The following TRIM2 variants were observed in gnomAD, a reference collection of about 807,000 sequenced individuals.
The protein encoded by TRIM2 is tripartite motif-containing protein 2.
Under a neutral mutation model 75.2 loss-of-function variants are expected in TRIM2, and 20 were observed. The ratio of observed to expected loss-of-function variants is 0.27; its 90% CI spans 0.19 to 0.39. The LOEUF (loss-of-function observed/expected upper bound fraction) is 0.39. Ranked by LOEUF, TRIM2 falls within the 10% of genes least tolerant of loss-of-function variation. TRIM2 has a pLI of 1.00. For synonymous variants in TRIM2, 373 were observed against 388.3 expected (o/e 0.96, Z 0.46); for missense variants, 660 against 990.8 (o/e 0.67, Z 4.48).
intron 1 of TRIM2, among the ~76,000 whole-genome samples, chr4:153,184,982 A>G (rs1002426608): frequency 2.2e-4 from 34 of 152,196 alleles, no homozygotes; most frequent in African/African-American, 7.9e-4. Flanking sequence ...GGGGAATGCC[A>G]TTTCTTCTTT....
intron 1 of TRIM2, among the ~76,000 whole-genome samples, chr4:153,217,678 G>C (rs533770286): frequency 1.9e-3 from 283 of 152,206 alleles, no homozygotes; most frequent in Non-Finnish European, 3.5e-3. Flanking sequence ...TTGATCACCA[G>C]ATGAAGCAGT....
chr4:153,206,900 A>G (rs1735609280), intron 1 of TRIM2, among the ~76,000 whole-genome samples: 1 of 151,974 alleles, frequency 6.6e-6, no homozygotes, highest in African/African-American at 2.4e-5. Flanking sequence ...TTTAAATTTG[A>G]GACAGGGTCT....
chr4:153,270,840 A>G (rs1478731597), intron 2 of TRIM2, among the ~76,000 whole-genome samples: 2 of 152,198 alleles, frequency 1.3e-5, no homozygotes, highest in Non-Finnish European at 2.9e-5. Context: ...GCAGATCCCT[A>G]CAGAGGGTCT....
chr4:153,177,864 C>T (rs928961287), intron 1 of TRIM2, among the ~76,000 whole-genome samples: 5 of 151,802 alleles, frequency 3.3e-5, no homozygotes, highest in Non-Finnish European at 5.9e-5. Flanking sequence ...TGCAGTGGGG[C>T]GGTCTTGGCT....
chr4:153,213,272 T>C (rs945157520), intron 1 of TRIM2, among the ~76,000 whole-genome samples: 7 of 152,238 alleles, frequency 4.6e-5, no homozygotes, highest in African/African-American at 1.7e-4. Flanking sequence ...TTAACCATTA[T>C]GTGATGCCTC....
In TRIM2 at chr4:153,231,059, G is replaced by GA. The variant is rs1469929674; in HGVS notation, c.30+26500dup. ...AGGGGGAGTCAGGACTCACACCTAGGATGTCTTTCTCACTAAAATACACGC... is the reference window on the plus strand; with the variant it reads ...AGGGGGAGTCAGGACTCACACCTAGGAATGTCTTTCTCACTAAAATACACGC... On this transcript the variant is annotated intron_variant, in intron 1 of 11. Transcript: ENST00000338700. 6.6e-5 allele frequency among the ~76,000 whole-genome samples: 10 copies of GA among 152,320 alleles called. No individual in the cohort carries two copies. In the South Asian group the frequency reaches 2.1e-3, roughly 32 times the overall value.
At chr4:153,244,355 C>CCTCTTCCTCTTCT (rs1748075400) in intron 1 of TRIM2, among the ~76,000 whole-genome samples, 1 of 12,714 alleles carries the variant, frequency 7.9e-5, no homozygotes, top group African/African-American at 5.1e-4. Flanking sequence ...CTTCTTCTTC[C>CCTCTTCCTCTTCT]TCTTCTTCTT....
intron 6 of TRIM2, among the ~76,000 whole-genome samples, chr4:153,303,334 A>G (rs1362348406): frequency 6.6e-6 from 1 of 151,820 alleles, no homozygotes; most frequent in African/African-American, 2.4e-5. Flanking sequence ...TCAGCCAGGC[A>G]TGGTGGCACG....
At chr4:153,201,874 T>C (rs545562196), upstream of TRIM2, among the ~76,000 whole-genome samples, 2 of 152,314 alleles carry the variant, frequency 1.3e-5, no homozygotes, top group South Asian at 2.1e-4. Context: ...TCTAGGTTAA[T>C]TGAGAGCTGT....
chr4:153,231,098 A>T (rs1352034728), intron 1 of TRIM2, among the ~76,000 whole-genome samples: 1 of 152,226 alleles, frequency 6.6e-6, no homozygotes, highest in African/African-American at 2.4e-5. Context: ...AGTATACTTG[A>T]TTGGTTGACA....
At chr4:153,334,716 A>G in intron 11 of TRIM2, 98 bp from the exon 12 acceptor site, 2 of 1,193,008 alleles carry the variant, frequency 1.7e-6, no homozygotes, top group Non-Finnish European at 1.2e-6. Flanking sequence ...AAAGAAAGAA[A>G]GAAACAGAAA....
At chr4:153,265,801 A>G (rs1754875265) in intron 1 of TRIM2, 1 of 152,156 alleles carries the variant, frequency 6.6e-6, no homozygotes, top group Admixed American at 6.5e-5. Context: ...TGAAGTGTTA[A>G]ACTTACGTCA....
In TRIM2 at chr4:153,215,946, T is replaced by C. The variant is rs565323785; in HGVS notation, c.30+11386T>C. On this transcript the variant is annotated intron_variant, in intron 1 of 11. Coordinates refer to ENST00000338700, the MANE Select transcript of TRIM2 (RefSeq NM_015271.5). ...AAGCAATACAGTTCAAAAAACTTTT[T>C]TGCCTGTTTTTATTTTTTTGTTGTT... Among the ~76,000 whole-genome samples, 7 of 152,360 alleles carry C rather than the reference T, an allele frequency of 4.6e-5. No homozygotes were observed. In the East Asian group the frequency reaches 5.8e-4, roughly 13 times the overall value.
intron 1 of TRIM2, among the ~76,000 whole-genome samples, chr4:153,197,390 C>G (rs1247455415): frequency 6.6e-6 from 1 of 152,188 alleles, no homozygotes; most frequent in East Asian, 1.9e-4. Context: ...CCTTCAATGT[C>G]ACTGAAGGCT....
intron 1 of TRIM2, among the ~76,000 whole-genome samples, chr4:153,246,487 T>C (rs1440785854): frequency 6.6e-6 from 1 of 152,254 alleles, no homozygotes; most frequent in Non-Finnish European, 1.5e-5. Flanking sequence ...TTAACTTCTA[T>C]TTCAAGTAAT....
intron 2 of TRIM2, among the ~76,000 whole-genome samples, chr4:153,270,967 A>G (rs1017364490): frequency 3.9e-5 from 6 of 152,216 alleles, no homozygotes; most frequent in African/African-American, 1.4e-4. Flanking sequence ...GATTCTTCAG[A>G]CACATACTAA....
intron 3 of TRIM2, among the ~76,000 whole-genome samples, chr4:153,290,275 T>C (rs116144848): frequency 6.6e-6 from 1 of 152,182 alleles, no homozygotes; most frequent in South Asian, 2.1e-4. Context: ...TAATAACAAG[T>C]AAAATATTTA....
chr4:153,190,689 G>A (rs926848789), intron 1 of TRIM2, among the ~76,000 whole-genome samples: 1 of 152,166 alleles, frequency 6.6e-6, no homozygotes, highest in Non-Finnish European at 1.5e-5. Context: ...GATGCATTTG[G>A]ACATTAGGGA....
chr4:153,334,308 T>G (rs551782469), intron 11 of TRIM2, among the ~76,000 whole-genome samples: 1 of 151,384 alleles, frequency 6.6e-6, no homozygotes, highest in East Asian at 1.9e-4. Context: ...AGTAGGATTA[T>G]AGATATGATA....
Sources: allele counts gnomAD v4.1 joint callset (sites outside exome capture counted in the v4.1 genomes callset), GRCh38; gene constraint gnomAD v4.1.1; transcripts MANE v1.5; gene names NCBI Gene and HGNC (gene_info 2026-07-23, HGNC 2026-07-21).